ARHGAP10: variants seen among roughly 807,000 people sequenced by gnomAD.
ARHGAP10 encodes Rho GTPase activating protein 10, also known as rho GTPase-activating protein 10.
ARHGAP10 carries 87 observed loss-of-function variants against 108.6 expected under a neutral mutation model. The observed-to-expected ratio is 0.80, with a 90% confidence interval of 0.67 to 0.96. The LOEUF is 0.96. Ranked by LOEUF, ARHGAP10 falls within the 40% of genes least tolerant of loss-of-function variation. ARHGAP10 has a pLI of 0.00. For synonymous variants in ARHGAP10, 347 were observed against 341.1 expected, an observed-to-expected ratio of 1.02 and a Z score of -0.19; for missense variants, 939 against 954.5, an observed-to-expected ratio of 0.98 and a Z score of 0.21.
intron 7 of ARHGAP10, among the ~76,000 whole-genome samples, chr4:147,873,596 C>T (rs965323499): frequency 6.6e-6 from 1 of 151,112 alleles, no homozygotes; most frequent in Non-Finnish European, 1.5e-5. Flanking sequence ...GAGGCTGAAG[C>T]GGGTAGATTG....
chr4:147,732,881 G>A (rs1728278375), intron 1 of ARHGAP10, among the ~76,000 whole-genome samples: 1 of 152,192 alleles, frequency 6.6e-6, no homozygotes, highest in Non-Finnish European at 1.5e-5. Context: ...CTTCTCAAAA[G>A]AAATTTCTTG....
intron 13 of ARHGAP10, among the ~76,000 whole-genome samples, chr4:147,924,512 A>G (rs962787979): frequency 6.6e-6 from 1 of 152,214 alleles, no homozygotes; most frequent in Admixed American, 6.5e-5. Flanking sequence ...GAGGTTGGGT[A>G]GTTGTCAGAA....
At chr4:147,948,181 A>G (rs1274485643) in intron 15 of ARHGAP10, among the ~76,000 whole-genome samples, 2 of 151,916 alleles carry the variant, frequency 1.3e-5, no homozygotes, top group Non-Finnish European at 2.9e-5. Flanking sequence ...CAGGTGATCT[A>G]TCCGCCTTAG....
At chr4:148,002,297 C>G (rs936026856) in intron 18 of ARHGAP10, among the ~76,000 whole-genome samples, 12 of 152,140 alleles carry the variant, frequency 7.9e-5, no homozygotes, top group Non-Finnish European at 1.5e-4. Flanking sequence ...TTTTGATGTG[C>G]TGCTGGATTC....
rs371011736 is a variant in ARHGAP10 at position 147,933,714 on chromosome 4, C to A, written c.1229-6111C>A. 2.6e-4 allele frequency among the ~76,000 whole-genome samples: 40 copies of A among 152,324 alleles called. 2 individuals are homozygous for A. The South Asian group carries it at 8.3e-3, about 32-fold the overall frequency. ...CAAGACCTGAGTCCAGAAGACTGTTCTAGTGGCCCAGATGGATGTGTCTCC... is the reference window on the plus strand; with the variant it reads ...CAAGACCTGAGTCCAGAAGACTGTTATAGTGGCCCAGATGGATGTGTCTCC... On this transcript the variant is annotated intron_variant, in intron 13 of 22. Transcript: ENST00000336498.
chr4:147,765,335 T>TGGGGGGGGGGG (rs1463328322), intron 1 of ARHGAP10, among the ~76,000 whole-genome samples: 2 of 22,684 alleles, frequency 8.8e-5, no homozygotes, highest in Non-Finnish European at 1.4e-4. Context: ...TGTGTGTGTG[T>TGGGGGGGGGGG]GTGGGGGGGG....
chr4:147,742,777 G>T (rs1728738128), intron 1 of ARHGAP10, among the ~76,000 whole-genome samples: 1 of 151,966 alleles, frequency 6.6e-6, no homozygotes, highest in South Asian at 2.1e-4. Flanking sequence ...GAGCCACTGT[G>T]CCCAGCGCAT....
chr4:148,026,742 T>G (rs1467057810), intron 19 of ARHGAP10, among the ~76,000 whole-genome samples: 1 of 152,166 alleles, frequency 6.6e-6, no homozygotes, highest in Non-Finnish European at 1.5e-5. Flanking sequence ...TCATATAACA[T>G]TTAATCTCAA....
intron 18 of ARHGAP10, among the ~76,000 whole-genome samples, chr4:147,995,125 G>A (rs761002005): frequency 2.6e-5 from 4 of 152,090 alleles, no homozygotes; most frequent in Non-Finnish European, 4.4e-5. Flanking sequence ...TTTTATTATT[G>A]AGATAGATCC....
intron 20 of ARHGAP10, among the ~76,000 whole-genome samples, chr4:148,051,488 T>C (rs779711258): frequency 1.3e-5 from 2 of 152,214 alleles, no homozygotes; most frequent in Admixed American, 6.5e-5. Context: ...TGCTATCTGC[T>C]TCCTCTACAG....
chr4:147,924,733 C>A (rs1007607002), intron 13 of ARHGAP10, among the ~76,000 whole-genome samples: 2 of 146,358 alleles, frequency 1.4e-5, no homozygotes, highest in African/African-American at 5.4e-5. Flanking sequence ...AGTTTTACTC[C>A]TTATTAACTC....
intron 18 of ARHGAP10, among the ~76,000 whole-genome samples, chr4:147,967,398 G>A (rs1390368247): frequency 1.3e-5 from 2 of 152,214 alleles, no homozygotes; most frequent in African/African-American, 4.8e-5. Flanking sequence ...ACAAGTAAAG[G>A]AGGAGAAATT....
intron 18 of ARHGAP10, among the ~76,000 whole-genome samples, chr4:147,978,209 G>A (rs1381074876): frequency 1.3e-5 from 2 of 152,202 alleles, no homozygotes; most frequent in African/African-American, 2.4e-5. Context: ...TTGCTGGGTC[G>A]AATGGTAGTT....
chr4:148,058,550 G>A (rs1006455149), intron 20 of ARHGAP10, among the ~76,000 whole-genome samples: 2 of 152,102 alleles, frequency 1.3e-5, no homozygotes, highest in African/African-American at 4.8e-5. Flanking sequence ...TCTGGTGATT[G>A]GTGCAACTGG....
chr4:147,952,524 T>C (rs569148280), intron 15 of ARHGAP10, among the ~76,000 whole-genome samples: 2 of 152,336 alleles, frequency 1.3e-5, no homozygotes, highest in South Asian at 4.1e-4. Context: ...GTTGAACTTT[T>C]TTCCATGTGC....
intron 13 of ARHGAP10, among the ~76,000 whole-genome samples, chr4:147,913,464 G>A (rs1350732874): frequency 6.6e-6 from 1 of 152,190 alleles, no homozygotes. Flanking sequence ...CTGGAGGCTG[G>A]AAGTTCAAAA....
At chr4:147,998,315 T>G (rs1177792458) in intron 18 of ARHGAP10, among the ~76,000 whole-genome samples, 1 of 152,166 alleles carries the variant, frequency 6.6e-6, no homozygotes, top group Non-Finnish European at 1.5e-5. Context: ...AAAATCTGAA[T>G]GAAGTTAGTG....
intron 1 of ARHGAP10, among the ~76,000 whole-genome samples, chr4:147,811,345 C>T (rs921415097): frequency 9.2e-5 from 14 of 152,144 alleles, no homozygotes; most frequent in African/African-American, 3.4e-4. Context: ...TGTGTGAACC[C>T]ACTGTGTATA....
chr4:148,051,321 T>C (rs930993268), intron 20 of ARHGAP10, among the ~76,000 whole-genome samples: 1 of 152,190 alleles, frequency 6.6e-6, no homozygotes, highest in Non-Finnish European at 1.5e-5. Flanking sequence ...TAGGTCAAGG[T>C]ATTTCGAATG....
Sources: gnomAD v4.1 joint callset for allele counts (sites outside exome capture counted in the v4.1 genomes callset) on GRCh38, gnomAD v4.1.1 for gene constraint, MANE v1.5 for transcripts, NCBI Gene and HGNC (gene_info 2026-07-23, HGNC 2026-07-21) for gene names.